The following RBPMS variants were observed in gnomAD, a reference collection of about 807,000 sequenced individuals.
The protein encoded by RBPMS is RNA binding protein, mRNA processing factor.
Under a neutral mutation model 26.8 loss-of-function variants are expected in RBPMS, and 7 were observed. That is an observed-to-expected ratio of 0.26 (90% CI 0.15 to 0.49). The LOEUF is 0.49. Among genes scored for constraint, RBPMS ranks in the 20% least tolerant of loss-of-function variants. The pLI, the probability that RBPMS is intolerant of heterozygous loss-of-function variation, is 0.98. For missense variants in RBPMS, 186 were observed against 250.0 expected (o/e 0.74, Z 1.73); for synonymous variants, 96 against 93.3 (o/e 1.03, Z -0.17).
chr8:30,411,780 C>T lies in RBPMS; in HGVS notation c.66+26622C>T, dbSNP rs374456176. On this transcript the variant is annotated intron_variant, in intron 1 of 8. Coordinates refer to ENST00000397323, the MANE Select transcript of RBPMS (RefSeq NM_001008710.3). ...GGGTGGATCACGAGGTCAGGAGTTC[C>T]GAGACTAGCCTTGCCCACATGGTGA... Among the ~76,000 whole-genome samples the T allele has an allele frequency of 4.6e-5, 7 of 151,986 alleles. No homozygotes were observed. In the East Asian group the frequency reaches 9.7e-4, roughly 21 times the overall value.
chr8:30,490,827 T>C (rs548626628), intron 4 of RBPMS, among the ~76,000 whole-genome samples: 1 of 152,254 alleles, frequency 6.6e-6, no homozygotes, highest in South Asian at 2.1e-4. Context: ...TTCATTAGAG[T>C]AGAGGAAGAG....
intron 5 of RBPMS, among the ~76,000 whole-genome samples, chr8:30,525,092 C>T (rs1428071507): frequency 1.3e-5 from 2 of 152,106 alleles, no homozygotes; most frequent in Non-Finnish European, 2.9e-5. Context: ...CCTAAAATAG[C>T]AATTTAACTT....
chr8:30,524,053 T>C (rs1266950808), intron 5 of RBPMS, among the ~76,000 whole-genome samples: 1 of 152,230 alleles, frequency 6.6e-6, no homozygotes, highest in African/African-American at 2.4e-5. Flanking sequence ...GTCCTGTAAT[T>C]TCTTAGAGTA....
rs34541775 is a variant in RBPMS, at chr8:30,502,139, C to CTTT, written c.247-2132_247-2130dup. ...AAATTAGGTCATTTTAACTTCTGAG[C>CTTT]TTTTTTTTTTTTTTTTTAAATAAGG... On this transcript the variant is annotated intron_variant, in intron 4 of 8. Coordinates refer to ENST00000397323, the MANE Select transcript of RBPMS (RefSeq NM_001008710.3). Among the ~76,000 whole-genome samples, 1,042 of 132,012 alleles carry CTTT rather than the reference C, an allele frequency of 7.9e-3. 24 individuals are homozygous for CTTT. The highest frequency in any genetic ancestry group is 0.027 in the African/African-American group (941 of 34,906). The allele number at this position is 132,012 out of a possible 152,430, so 86.6% of individuals were successfully genotyped here. A position where few individuals can be genotyped will look rare whatever the true frequency, so the allele number is the denominator to read the frequency against.
intron 1 of RBPMS, among the ~76,000 whole-genome samples, chr8:30,466,362 A>G (rs941420846): frequency 5.3e-5 from 8 of 152,164 alleles, no homozygotes; most frequent in Admixed American, 6.5e-5. Context: ...AACTTGGGCA[A>G]GACCTCGTCC....
intron 1 of RBPMS, among the ~76,000 whole-genome samples, chr8:30,410,281 C>A (rs1398161500): frequency 2.6e-5 from 4 of 151,874 alleles, no homozygotes; most frequent in African/African-American, 7.3e-5. Flanking sequence ...ATCTCCGCTC[C>A]CTGCAACCTC....
intron 1 of RBPMS, among the ~76,000 whole-genome samples, chr8:30,462,658 C>G (rs989187601): frequency 6.6e-6 from 1 of 152,106 alleles, no homozygotes; most frequent in Non-Finnish European, 1.5e-5. Flanking sequence ...GAACTCCTGA[C>G]CTCAAGTGAT....
intron 1 of RBPMS, among the ~76,000 whole-genome samples, chr8:30,413,598 G>T (rs954653305): frequency 6.6e-5 from 10 of 151,996 alleles, no homozygotes; most frequent in Non-Finnish European, 1.3e-4. Flanking sequence ...GTGGCACAAG[G>T]TTAGAATGTT....
At chr8:30,569,627 T>C (rs976880329) in intron 8 of RBPMS, among the ~76,000 whole-genome samples, 7 of 152,134 alleles carry the variant, frequency 4.6e-5, no homozygotes, top group African/African-American at 1.7e-4. Context: ...TTAGGAATGT[T>C]GTTGTCATGC....
intron 1 of RBPMS, among the ~76,000 whole-genome samples, chr8:30,434,649 A>T (rs564941390): frequency 4.0e-5 from 6 of 149,928 alleles, no homozygotes; most frequent in Non-Finnish European, 7.4e-5. Flanking sequence ...CACTGCTGGG[A>T]GCGGAGATGG....
intron 5 of RBPMS, among the ~76,000 whole-genome samples, chr8:30,523,269 T>C (rs1158247263): frequency 2.6e-5 from 4 of 151,284 alleles, no homozygotes; most frequent in Non-Finnish European, 5.9e-5. Flanking sequence ...CCTTGCTGCT[T>C]GGGAGGCTGA....
At chr8:30,557,742 A>G (rs2073947245) in intron 6 of RBPMS, among the ~76,000 whole-genome samples, 1 of 152,236 alleles carries the variant, frequency 6.6e-6, no homozygotes, top group Non-Finnish European at 1.5e-5. Context: ...TCATGGGGAG[A>G]CCATGCCGCC....
chr8:30,569,216 G>A (rs1485981529), intron 8 of RBPMS, among the ~76,000 whole-genome samples: 1 of 152,352 alleles, frequency 6.6e-6, no homozygotes, highest in East Asian at 1.9e-4. Flanking sequence ...AGTGCCACAT[G>A]CCATAAATGA....
At chr8:30,518,069 T>C (rs4574810) in intron 5 of RBPMS, among the ~76,000 whole-genome samples, 37,432 of 152,168 alleles carry the variant, frequency 0.25, 4,948 homozygotes, top group East Asian at 0.4. Flanking sequence ...GAGGAAACTT[T>C]TCAGGATTCA....
intron 1 of RBPMS, among the ~76,000 whole-genome samples, chr8:30,467,061 A>T (rs954081568): frequency 2.0e-5 from 3 of 152,212 alleles, no homozygotes; most frequent in Non-Finnish European, 4.4e-5. Flanking sequence ...GCTTTTCTTG[A>T]AGTCAGTGCC....
In RBPMS at chr8:30,558,869, T is replaced by A. The variant is rs1460173481; in HGVS notation, c.529-18T>A. The A allele has an allele frequency of 6.2e-7, 1 of 1,612,572 alleles. No homozygotes were observed. Among genetic ancestry groups the A allele is most frequent in the African/African-American group, 1.3e-5 (1 of 74,858 alleles). Reference sequence around the variant, plus strand: ...GCTGGGGAGCCCTGGCTCACGGCCTTCTCCCATGTCTTTTCAGATGCGCTG... The same window carrying A: ...GCTGGGGAGCCCTGGCTCACGGCCTACTCCCATGTCTTTTCAGATGCGCTG... On this transcript the variant is annotated intron_variant, in intron 6 of 8. Transcript: ENST00000397323.
intron 1 of RBPMS, among the ~76,000 whole-genome samples, chr8:30,431,598 G>A (rs931670769): frequency 3.3e-5 from 5 of 151,820 alleles, no homozygotes; most frequent in Non-Finnish European, 7.4e-5. Flanking sequence ...CTACAGGCGT[G>A]CACCACCATG....
intron 4 of RBPMS, among the ~76,000 whole-genome samples, chr8:30,493,735 A>G (rs1299205350): frequency 2.0e-5 from 3 of 152,104 alleles, no homozygotes; most frequent in Non-Finnish European, 2.9e-5. Context: ...TCTTTCAATC[A>G]TCCTTTTCAG....
chr8:30,497,428 C>T (rs1433144905), intron 4 of RBPMS, among the ~76,000 whole-genome samples: 1 of 152,088 alleles, frequency 6.6e-6, no homozygotes, highest in Admixed American at 6.5e-5. Context: ...CCTATAATCC[C>T]AGCTACTCGG....
Sources: gnomAD v4.1 joint callset for allele counts (sites outside exome capture counted in the v4.1 genomes callset) on GRCh38, gnomAD v4.1.1 for gene constraint, MANE v1.5 for transcripts, NCBI Gene and HGNC (gene_info 2026-07-23, HGNC 2026-07-21) for gene names.